Variants in OBI1 observed in about 807,000 individuals in gnomAD.
OBI1 encodes the protein ORC ubiquitin ligase 1.
Under a neutral mutation model 62.4 loss-of-function variants are expected in OBI1, and 59 were observed. That is an observed-to-expected ratio of 0.95 (90% CI 0.77 to 1.17). The LOEUF is 1.17. OBI1 is among the 50% of genes most tolerant of loss of function. OBI1 has a pLI of 0.00. For missense variants in OBI1, 875 were observed against 830.9 expected, an observed-to-expected ratio of 1.05 and a Z score of -0.65; for synonymous variants, 302 against 292.8, an observed-to-expected ratio of 1.03 and a Z score of -0.32.
intron 5 of OBI1, among the ~76,000 whole-genome samples, chr13:78,628,771 A>G (rs1875757878): frequency 6.6e-6 from 1 of 152,084 alleles, no homozygotes; most frequent in South Asian, 2.1e-4. Flanking sequence ...AAGAAGGGAA[A>G]TTTGAATCCA....
chr13:78,631,277 A>T (rs9574267), intron 5 of OBI1, among the ~76,000 whole-genome samples: 1 of 152,106 alleles, frequency 6.6e-6, no homozygotes, highest in Admixed American at 6.6e-5. Flanking sequence ...CAAACAGAAC[A>T]AAGTCATAAA....
intron 1 of OBI1, among the ~76,000 whole-genome samples, chr13:78,654,180 T>C (rs946583894): frequency 7.2e-5 from 11 of 152,202 alleles, no homozygotes; most frequent in Admixed American, 1.3e-4. Context: ...ACTGGAATTG[T>C]ACTTGTCAAG....
At chr13:78,622,956 C>T (rs1875556293) in intron 5 of OBI1, among the ~76,000 whole-genome samples, 1 of 152,138 alleles carries the variant, frequency 6.6e-6, no homozygotes, top group Non-Finnish European at 1.5e-5. Flanking sequence ...TCTTTTCTCT[C>T]ACCTGCTTCC....
chr13:78,645,167 CAT>C (rs56198707), intron 1 of OBI1, among the ~76,000 whole-genome samples, 170 bp from the exon 2 acceptor site: 27,081 of 151,724 alleles, frequency 0.18, 3,232 homozygotes, highest in Non-Finnish European at 0.23. Flanking sequence ...TCTTTTTACA[CAT>C]GTTTAACAGA....
intron 5 of OBI1, among the ~76,000 whole-genome samples, chr13:78,630,325 C>T (rs76399133): frequency 0.012 from 1,886 of 152,170 alleles, 71 homozygotes; most frequent in East Asian, 0.064. Context: ...ACATAATAAA[C>T]TCCCATTTAC....
intron 5 of OBI1, 23 bp downstream of exon 5, chr13:78,635,087 T>C: frequency 1.4e-6 from 2 of 1,465,844 alleles, no homozygotes; most frequent in Non-Finnish European, 9.4e-7. Context: ...TCTGAAGCAT[T>C]GCTCTGGGAG....
intron 5 of OBI1, among the ~76,000 whole-genome samples, chr13:78,624,851 G>A (rs1875619160): frequency 6.6e-6 from 1 of 152,118 alleles, no homozygotes; most frequent in Non-Finnish European, 1.5e-5. Flanking sequence ...ATGGTCTCTG[G>A]CCTTCTGTTT....
At chr13:78,653,245 C>T (rs1876595936) in intron 1 of OBI1, among the ~76,000 whole-genome samples, 1 of 152,186 alleles carries the variant, frequency 6.6e-6, no homozygotes, top group Non-Finnish European at 1.5e-5. Context: ...CTGCATATTA[C>T]AGGATGTCTG....
Position 78,615,751 on chromosome 13 carries a change from T to C in OBI1, c.2010A>G (p.Ser670=). 1.2e-6 allele frequency: 2 copies of C among 1,614,072 alleles called. No homozygotes were observed. The highest frequency in any genetic ancestry group is 4.5e-5 in the East Asian group (2 of 44,872). ...HRLFEDQRFG[S]SLFKMSSEMH... Reference sequence around the variant, plus strand: ...TCTCTGAGGACATCTTAAACAAAGATGACCCAAATCTTTGATCTTCAAATA... The same window carrying C: ...TCTCTGAGGACATCTTAAACAAAGACGACCCAAATCTTTGATCTTCAAATA... Residue 670 remains serine (S), a synonymous_variant, in exon 6 of 6, where the codon TCA becomes TCG. Transcript: ENST00000282003.
intron 5 of OBI1, among the ~76,000 whole-genome samples, chr13:78,631,190 T>C (rs1875837573): frequency 6.6e-6 from 1 of 152,140 alleles, no homozygotes. Flanking sequence ...AATAGATACG[T>C]AGTAGGAGCA....
Position 78,614,513 on chromosome 13 carries a change from C to A in OBI1, c.*1067G>T, listed in dbSNP as rs1875177274. The A allele has an allele frequency of 6.6e-6, 1 of 152,640 alleles. No homozygotes were observed. The highest frequency in any genetic ancestry group is 1.9e-4 in the East Asian group (1 of 5,198). 9.5% of individuals were successfully genotyped at this position (152,640 alleles called of 1,614,324 possible). On this transcript the variant is annotated 3_prime_UTR_variant, in exon 6 of 6. Coordinates refer to ENST00000282003, the MANE Select transcript of OBI1 (RefSeq NM_024546.4). ...CTTACCTATCTTCACCCCCTCAACA[C>A]TCTTCACAGAAAAGTTTTGTCCTAC...
At chr13:78,637,494 T>C (rs1046757963) in intron 4 of OBI1, among the ~76,000 whole-genome samples, 13 of 152,214 alleles carry the variant, frequency 8.5e-5, no homozygotes. Context: ...CTTATAAGCC[T>C]CATGTTCTAA....
intron 1 of OBI1, among the ~76,000 whole-genome samples, chr13:78,653,173 G>A (rs1421806935): frequency 1.3e-5 from 2 of 152,090 alleles, no homozygotes; most frequent in Admixed American, 1.3e-4. Flanking sequence ...TTCAAACAGC[G>A]TTTCTCAACT....
chr13:78,635,589 C>T (rs955277732), intron 4 of OBI1, among the ~76,000 whole-genome samples: 6 of 152,104 alleles, frequency 3.9e-5, no homozygotes, highest in Non-Finnish European at 8.8e-5. Context: ...AGAGTTAATT[C>T]TTGAGCTTTG....
chr13:78,623,841 A>C (rs1875586424), intron 5 of OBI1, among the ~76,000 whole-genome samples: 1 of 152,190 alleles, frequency 6.6e-6, no homozygotes, highest in African/African-American at 2.4e-5. Flanking sequence ...TCAAACCACC[A>C]CCATATTTTA....
Position 78,616,610 on chromosome 13 carries a change from T to G in OBI1, c.1151A>C (p.Tyr384Ser). The change falls in exon 6 of 6, where the codon TAT becomes TCT. Residue 384 changes from tyrosine (Y) to serine (S), a missense_variant. By Grantham distance (144) the Tyr-to-Ser change is moderately radical (BLOSUM62 -2). Coordinates refer to ENST00000282003, the MANE Select transcript of OBI1 (RefSeq NM_024546.4). ...AGGAGTACAAGGAGCTGGAAGATCA[T>G]AAAGTTCTTCATCTTTGTAGGGTAC... ...DCVPYKDEEL[Y>S]DLPAPCTPLS... The G allele has an allele frequency of 6.2e-7, 1 of 1,614,188 alleles. No homozygotes were observed.
At chr13:78,618,720 A>G (rs1875409509) in intron 5 of OBI1, among the ~76,000 whole-genome samples, 1 of 152,190 alleles carries the variant, frequency 6.6e-6, no homozygotes, top group Non-Finnish European at 1.5e-5. Flanking sequence ...AGCAAAAACC[A>G]CAGGTATAAC....
Position 78,616,363 on chromosome 13 carries a change from A to C in OBI1, c.1398T>G (p.Phe466Leu), listed in dbSNP as rs751285340. The C allele has an allele frequency of 2.5e-6, 4 of 1,613,922 alleles. No homozygotes were observed. In the Admixed American group the frequency reaches 6.7e-5, roughly 27 times the overall value. The change falls in exon 6 of 6, where the codon TTT (phenylalanine) becomes TTG (leucine). Residue 466 changes from phenylalanine (F) to leucine (L), a missense_variant. Physicochemically the swap from Phe to Leu is conservative, Grantham distance 22. Coordinates refer to ENST00000282003, the MANE Select transcript of OBI1 (RefSeq NM_024546.4). ...SECFSSPKTG[F>L]WDCCSTSYAQ... is the part of the protein sequence containing the mutation. Reference sequence around the variant, plus strand: ...CATAGCTTGTGGAACAACAGTCCCAAAATCCTGTCTTTGGGGAAGAAAAAC... The same window carrying C: ...CATAGCTTGTGGAACAACAGTCCCACAATCCTGTCTTTGGGGAAGAAAAAC...
chr13:78,622,028 C>A (rs1356371988), intron 5 of OBI1, among the ~76,000 whole-genome samples: 3 of 152,156 alleles, frequency 2.0e-5, no homozygotes, highest in Non-Finnish European at 2.9e-5. Flanking sequence ...ACATAAATAT[C>A]AATGTACTAA....
Sources: gnomAD v4.1 joint callset for allele counts (sites outside exome capture counted in the v4.1 genomes callset) on GRCh38, gnomAD v4.1.1 for gene constraint, MANE v1.5 for transcripts, NCBI Gene and HGNC (gene_info 2026-07-23, HGNC 2026-07-21) for gene names.